The following AGPAT4 variants were observed in gnomAD, a reference collection of about 807,000 sequenced individuals.
AGPAT4 encodes the protein 1-acylglycerol-3-phosphate O-acyltransferase 4.
In AGPAT4, 15 loss-of-function variants were observed where a neutral mutation model predicts 48.0. That is an observed-to-expected ratio of 0.31 (90% CI 0.21 to 0.48). The LOEUF is 0.48. Ranked by LOEUF, AGPAT4 falls within the 20% of genes least tolerant of loss-of-function variation. The pLI, the probability that AGPAT4 is intolerant of heterozygous loss-of-function variation, is 0.99. For missense variants in AGPAT4, 314 were observed against 482.5 expected (o/e 0.65, Z 3.27); for synonymous variants, 178 against 198.7 (o/e 0.90, Z 0.88).
rs746272047 is a variant in AGPAT4, at chr6:161,133,819, CAG to C, written c.*2719_*2720del. 2.6e-5 allele frequency: 4 copies of C among 152,164 alleles called. No individual in the cohort carries two copies. The South Asian group carries it at 6.2e-4, about 24-fold the overall frequency. The allele number at this position is 152,164 out of a possible 1,614,324, so 9.4% of individuals were successfully genotyped here. On this transcript the variant is annotated 3_prime_UTR_variant, in exon 9 of 9. Coordinates refer to ENST00000320285, the MANE Select transcript of AGPAT4 (RefSeq NM_020133.3). ...GAATGAGATGGAAAGGTGGGAAAGA[CAG>C]ACAGGAAGTGTAGCTCTTAGTCTAT... is the stretch of plus-strand genomic sequence containing the variant.
Position 161,140,007 on chromosome 6 carries a change from T to C in AGPAT4, c.844-387A>G, listed in dbSNP as rs950975291. Among the ~76,000 whole-genome samples, 1 of 152,138 alleles carries C rather than the reference T, an allele frequency of 6.6e-6. No individual in the cohort carries two copies. The highest frequency in any genetic ancestry group is 1.5e-5 in the Non-Finnish European group (1 of 68,016). Reference sequence around the variant, plus strand: ...CTTCCACGATAGGTCGGCGGGAGAATGGAGTGGATGCTGCGCCGAAGCTGC... The same window carrying C: ...CTTCCACGATAGGTCGGCGGGAGAACGGAGTGGATGCTGCGCCGAAGCTGC... On this transcript the variant is annotated intron_variant, in intron 7 of 8. Transcript: ENST00000320285. The surrounding 1 kb of genome is among the most constrained non-coding windows in gnomAD (Gnocchi z 6.5).
At chr6:161,194,588 GTA>G (rs1424930906) in intron 2 of AGPAT4, among the ~76,000 whole-genome samples, 4 of 127,228 alleles carry the variant, frequency 3.1e-5, no homozygotes, top group African/African-American at 2.1e-4. Context: ...GTATATATGT[GTA>G]TGTATGTATG....
chr6:161,273,600 C>A (rs1429674620), intron 1 of AGPAT4, among the ~76,000 whole-genome samples: 1 of 152,040 alleles, frequency 6.6e-6, no homozygotes, highest in African/African-American at 2.4e-5. Flanking sequence ...TCGTCTATAG[C>A]AGAGAAAATG....
intron 2 of AGPAT4, among the ~76,000 whole-genome samples, chr6:161,227,288 C>T (rs570850099): frequency 1.3e-5 from 2 of 152,320 alleles, no homozygotes; most frequent in South Asian, 4.2e-4. Context: ...GTTAGGTTTT[C>T]AGACCTACCT....
At chr6:161,209,926 C>CGTTTT (rs767794325) in intron 2 of AGPAT4, among the ~76,000 whole-genome samples, 15 of 151,940 alleles carry the variant, frequency 9.9e-5, no homozygotes, top group South Asian at 6.3e-4. Flanking sequence ...CCCTTTGTTT[C>CGTTTT]GTTTTGTTTT....
intron 1 of AGPAT4, among the ~76,000 whole-genome samples, chr6:161,265,848 T>G (rs1464354052): frequency 6.6e-6 from 1 of 152,210 alleles, no homozygotes; most frequent in Admixed American, 6.5e-5. Context: ...CAGAAAGCAC[T>G]AAATATTTGA....
intron 2 of AGPAT4, among the ~76,000 whole-genome samples, chr6:161,211,338 AAAG>A (rs1290029289): frequency 1.3e-5 from 2 of 152,210 alleles, no homozygotes; most frequent in East Asian, 1.9e-4. Context: ...TCCTTTTAAA[AAAG>A]AAGATGAACA....
intron 2 of AGPAT4, among the ~76,000 whole-genome samples, chr6:161,210,617 T>C (rs1781496830): frequency 6.6e-6 from 1 of 152,210 alleles, no homozygotes; most frequent in Non-Finnish European, 1.5e-5. Context: ...CAAGTTTATG[T>C]AACTTAACTA....
Position 161,137,301 on chromosome 6 carries a change from A to G in AGPAT4, c.1043-667T>C, listed in dbSNP as rs1353374330. ...TCCTTGGGTGCAGGGCCCAAGACTT[A>G]ATCATTTGATGTGCTCAGCACTGGG... On this transcript the variant is annotated intron_variant, in intron 8 of 8. Coordinates refer to ENST00000320285, the MANE Select transcript of AGPAT4 (RefSeq NM_020133.3). The surrounding 1 kb of genome is among the most constrained non-coding windows in gnomAD (Gnocchi z 6.1). Among the ~76,000 whole-genome samples, 1 of 152,154 alleles carries G rather than the reference A, an allele frequency of 6.6e-6. No individual in the cohort carries two copies. Among genetic ancestry groups the G allele is most frequent in the Non-Finnish European group, 1.5e-5 (1 of 68,008 alleles).
Position 161,169,736 on chromosome 6 carries a change from A to T in AGPAT4, c.179-3319T>A, listed in dbSNP as rs566133141. Among the ~76,000 whole-genome samples, 11 of 152,354 alleles carry T rather than the reference A, an allele frequency of 7.2e-5. No homozygotes were observed. The South Asian group carries it at 1.0e-3, about 14-fold the overall frequency. ...TTCAAACAACCCAGAAGTATGTACA[A>T]GAAAATATAAAATTCCTCTAACTAG... is the stretch of plus-strand genomic sequence containing the variant. On this transcript the variant is annotated intron_variant, in intron 2 of 8. Coordinates refer to ENST00000320285, the MANE Select transcript of AGPAT4 (RefSeq NM_020133.3). The surrounding 1 kb of genome is among the most constrained non-coding windows in gnomAD (Gnocchi z 5.0).
chr6:161,172,319 C>A (rs1026864147), intron 2 of AGPAT4, among the ~76,000 whole-genome samples: 2 of 152,226 alleles, frequency 1.3e-5, no homozygotes, highest in Non-Finnish European at 2.9e-5. Context: ...GTGAATACCC[C>A]AGCCACAGAC....
In AGPAT4 at chr6:161,153,356, C is replaced by G. The variant is rs140742065; in HGVS notation, c.654G>C (p.Leu218Phe). The change falls in exon 5 of 9, where the codon TTG becomes TTC. Residue 218 changes from leucine (L) to phenylalanine (F), a missense_variant. Transcript: ENST00000320285. ...TKGFAITVRS[L>F]RNVVSAVYDC... Reference sequence around the variant, plus strand: ...CGCACTCTTCCTTACCTACATTTCTCAAGCTCCTCACGGTGATGGCGAAGC... The same window carrying G: ...CGCACTCTTCCTTACCTACATTTCTGAAGCTCCTCACGGTGATGGCGAAGC... 1.2e-4 allele frequency: 191 copies of G among 1,608,072 alleles called. 4 individuals carry two copies. In the South Asian group the frequency reaches 2.1e-3, roughly 17 times the overall value.
rs1782877765 is a variant in AGPAT4 at position 161,254,147 on chromosome 6, C to T, written c.-90+19791G>A. Among the ~76,000 whole-genome samples, 2 of 152,090 alleles carry T rather than the reference C, an allele frequency of 1.3e-5. No homozygotes were observed. Among genetic ancestry groups the T allele is most frequent in the Admixed American group, 1.3e-4 (2 of 15,270 alleles). ...CTATCAAAAGTATTAACCACTTGGT[C>T]AATATATTTAACTTTTTTTAAAAAA... On this transcript the variant is annotated intron_variant, in intron 1 of 8. Transcript: ENST00000320285. The surrounding 1 kb of genome is among the most constrained non-coding windows in gnomAD (Gnocchi z 5.9).
chr6:161,179,309 T>A (rs982127360), intron 2 of AGPAT4, among the ~76,000 whole-genome samples: 1 of 152,154 alleles, frequency 6.6e-6, no homozygotes. Context: ...CTCTCTAAGG[T>A]TGCTGAAGAC....
At chr6:161,213,540 C>A (rs1042713068) in intron 2 of AGPAT4, among the ~76,000 whole-genome samples, 2 of 151,974 alleles carry the variant, frequency 1.3e-5, no homozygotes, top group African/African-American at 4.8e-5. Flanking sequence ...CCCAATTTTT[C>A]CTAATTTGGA....
In AGPAT4 at chr6:161,255,604, T is replaced by C. The variant is rs933984930; in HGVS notation, c.-90+18334A>G. ...GAATGAACCTCAAAAACATGTTATA[T>C]GAAAGAAACCCGTCACAAAACACCA... is the stretch of plus-strand genomic sequence containing the variant. On this transcript the variant is annotated intron_variant, in intron 1 of 8. Coordinates refer to ENST00000320285, the MANE Select transcript of AGPAT4 (RefSeq NM_020133.3). This position sits in a 1 kb window ranked among gnomAD's most constrained non-coding sequence, Gnocchi z 4.7. Among the ~76,000 whole-genome samples the C allele has an allele frequency of 6.6e-6, 1 of 152,100 alleles. No individual in the cohort carries two copies. Among genetic ancestry groups the C allele is most frequent in the Non-Finnish European group, 1.5e-5 (1 of 68,034 alleles).
chr6:161,133,174 A>G lies in AGPAT4; in HGVS notation c.*3366T>C, dbSNP rs1261523401. 6.6e-6 allele frequency: 1 copy of G among 152,176 alleles called. No homozygotes were observed. Among genetic ancestry groups the G allele is most frequent in the African/African-American group, 2.4e-5 (1 of 41,432 alleles). The allele number at this position is 152,176 out of a possible 1,614,324, so 9.4% of individuals were successfully genotyped here. On this transcript the variant is annotated 3_prime_UTR_variant, in exon 9 of 9. Transcript: ENST00000320285. ...AAGTTCTAAAGCCTATGCGAAGCCC[A>G]TTCTGTTTTGCTTGGGGACCAGCCA...
chr6:161,144,208 A>C lies in AGPAT4; in HGVS notation c.843+2316T>G, dbSNP rs1204827631. The C allele has an allele frequency of 1.9e-6, 1 of 532,582 alleles. No homozygotes were observed. Among genetic ancestry groups the C allele is most frequent in the African/African-American group, 1.9e-5 (1 of 51,852 alleles). 33.0% of individuals were successfully genotyped at this position (532,582 alleles called of 1,614,324 possible). ...GATCTTCTCGGAAGGGCAAAGGGCC[A>C]GCCTCCCAGGCCTGCTCACAGACAC... is the stretch of plus-strand genomic sequence containing the variant. On this transcript the variant is annotated intron_variant, in intron 7 of 8. Coordinates refer to ENST00000320285, the MANE Select transcript of AGPAT4 (RefSeq NM_020133.3). The surrounding 1 kb of genome is among the most constrained non-coding windows in gnomAD (Gnocchi z 6.6).
chr6:161,272,117 G>A lies in AGPAT4; in HGVS notation c.-90+1821C>T, dbSNP rs570025199. ...GCCATGCTATTTTGCCCCATTTTCA[G>A]GTAACTTTTCTACCTGAATTACTTA... On this transcript the variant is annotated intron_variant, in intron 1 of 8. Coordinates refer to ENST00000320285, the MANE Select transcript of AGPAT4 (RefSeq NM_020133.3). This position sits in a 1 kb window ranked among gnomAD's most constrained non-coding sequence, Gnocchi z 4.2. Among the ~76,000 whole-genome samples the A allele has an allele frequency of 6.6e-6, 1 of 152,172 alleles. No homozygotes were observed. Among genetic ancestry groups the A allele is most frequent in the South Asian group, 2.1e-4 (1 of 4,822 alleles).
Sources: allele counts gnomAD v4.1 joint callset (sites outside exome capture counted in the v4.1 genomes callset), GRCh38; gene constraint gnomAD v4.1.1; non-coding constraint Gnocchi (gnomAD v3.1); transcripts MANE v1.5; gene names NCBI Gene and HGNC (gene_info 2026-07-23, HGNC 2026-07-21).